PHACTR3: variants seen among roughly 807,000 people sequenced by gnomAD.
The protein encoded by PHACTR3 is protein phosphatase 1, regulatory subunit 123.
In PHACTR3, 16 loss-of-function variants were observed where a neutral mutation model predicts 66.8. The ratio of observed to expected loss-of-function variants is 0.24; its 90% CI spans 0.16 to 0.36. The LOEUF is 0.36. Among genes scored for constraint, PHACTR3 ranks in the 10% least tolerant of loss-of-function variants. The pLI is 1.00. For synonymous variants in PHACTR3, 323 were observed against 292.1 expected, an observed-to-expected ratio of 1.11 and a Z score of -1.08; for missense variants, 647 against 719.9, an observed-to-expected ratio of 0.90 and a Z score of 1.16.
chr20:59,775,688 C>A (rs1024194558), intron 7 of PHACTR3, among the ~76,000 whole-genome samples: 6 of 152,174 alleles, frequency 3.9e-5, no homozygotes, highest in African/African-American at 1.2e-4. Context: ...CCTGAGGGCA[C>A]CAACCTCTCT....
chr20:59,598,403 G>C (rs1029435433), intron 1 of PHACTR3, among the ~76,000 whole-genome samples: 1 of 152,182 alleles, frequency 6.6e-6, no homozygotes, highest in Non-Finnish European at 1.5e-5. Context: ...GAGGCTCAGC[G>C]GGGCCACACA....
intron 1 of PHACTR3, among the ~76,000 whole-genome samples, chr20:59,702,893 T>C (rs2037557087): frequency 6.6e-6 from 1 of 152,204 alleles, no homozygotes; most frequent in Non-Finnish European, 1.5e-5. Flanking sequence ...TGTGTTCTTG[T>C]AGCTTTTGCC....
At chr20:59,670,533 G>A (rs971553329) in intron 1 of PHACTR3, among the ~76,000 whole-genome samples, 12 of 147,676 alleles carry the variant, frequency 8.1e-5, no homozygotes, top group Non-Finnish European at 1.5e-4. Context: ...TCTCAATTAC[G>A]TGGAAGCCTC....
intron 10 of PHACTR3, among the ~76,000 whole-genome samples, chr20:59,840,740 C>G (rs896824827): frequency 1.3e-5 from 2 of 152,188 alleles, no homozygotes; most frequent in Non-Finnish European, 2.9e-5. Context: ...TTTACAGTGT[C>G]TAGGAAAAGC....
rs114561183 is a variant in PHACTR3, at chr20:59,626,195, G to A, written c.118+21063G>A. Among the ~76,000 whole-genome samples the A allele has an allele frequency of 4.5e-3, 682 of 152,294 alleles. 4 individuals are homozygous for A. Among genetic ancestry groups the A allele is most frequent in the African/African-American group, 0.016 (647 of 41,564 alleles). ...GGACACCTGTTTTAAGCCTGTCACC[G>A]TTTTTTGAGTATGCATATAGCTATA... On this transcript the variant is annotated intron_variant, in intron 1 of 12. Transcript: ENST00000371015.
intron 1 of PHACTR3, among the ~76,000 whole-genome samples, chr20:59,599,107 G>A (rs2033403478): frequency 6.6e-6 from 1 of 152,342 alleles, no homozygotes; most frequent in South Asian, 2.1e-4. Flanking sequence ...GGCAGCAGAG[G>A]GAGCATGAGC....
chr20:59,843,596 T>C (rs944456908), intron 11 of PHACTR3: 7 of 152,144 alleles, frequency 4.6e-5, no homozygotes, highest in African/African-American at 1.4e-4. Context: ...AGGACACTCT[T>C]CAATAAATGG....
rs556753425 is a variant in PHACTR3, at chr20:59,690,128, C to T, written c.119-52979C>T. On this transcript the variant is annotated intron_variant, in intron 1 of 12. Coordinates refer to ENST00000371015, the MANE Select transcript of PHACTR3 (RefSeq NM_080672.5). Reference sequence around the variant, plus strand: ...AAAACAAAACAAAACACCCAAATTCCTCACCAAGCCCCCTCCTGCACCTCT... The same window carrying T: ...AAAACAAAACAAAACACCCAAATTCTTCACCAAGCCCCCTCCTGCACCTCT... 1.4e-4 allele frequency among the ~76,000 whole-genome samples: 21 copies of T among 152,318 alleles called. No individual in the cohort carries two copies. The Middle Eastern group carries it at 0.01, about 74-fold the overall frequency.
At chr20:59,780,443 A>G (rs1326476820) in intron 7 of PHACTR3, among the ~76,000 whole-genome samples, 2 of 152,152 alleles carry the variant, frequency 1.3e-5, no homozygotes, top group Non-Finnish European at 2.9e-5. Context: ...GCAAGGCCCC[A>G]CTTTCTCATA....
intron 1 of PHACTR3, among the ~76,000 whole-genome samples, chr20:59,692,331 C>T (rs1043802387): frequency 1.3e-5 from 2 of 152,204 alleles, no homozygotes; most frequent in Admixed American, 1.3e-4. Context: ...TGGTTCAGCT[C>T]TGGAGGTGTC....
chr20:59,831,243 G>A (rs145280128), intron 8 of PHACTR3, among the ~76,000 whole-genome samples: 33 of 152,260 alleles, frequency 2.2e-4, no homozygotes, highest in East Asian at 7.7e-4. Flanking sequence ...TGTTGTGCTC[G>A]ATACCTTTAA....
chr20:59,811,208 G>T (rs1487489630), intron 8 of PHACTR3, among the ~76,000 whole-genome samples: 1 of 152,224 alleles, frequency 6.6e-6, no homozygotes, highest in East Asian at 1.9e-4. Flanking sequence ...GGGCCTGGGA[G>T]AAGCATTCTA....
chr20:59,591,763 C>T (rs377080136), intron 1 of PHACTR3, among the ~76,000 whole-genome samples: 17 of 152,136 alleles, frequency 1.1e-4, no homozygotes, highest in African/African-American at 3.6e-4. Flanking sequence ...AGAGTGTCAC[C>T]GCAGAAACCA....
chr20:59,597,254 C>T (rs982343675), intron 1 of PHACTR3, among the ~76,000 whole-genome samples: 2 of 152,240 alleles, frequency 1.3e-5, no homozygotes, highest in African/African-American at 4.8e-5. Context: ...GATTATAAAT[C>T]AATGCATGTG....
chr20:59,840,305 A>T, intron 9 of PHACTR3, 64 bp from the exon 10 acceptor site: 1 of 1,575,328 alleles, frequency 6.3e-7, no homozygotes, highest in Non-Finnish European at 8.6e-7. Flanking sequence ...TCCCTGCTGA[A>T]GAGAAGAACG....
At chr20:59,724,037 G>A (rs964520315) in intron 1 of PHACTR3, among the ~76,000 whole-genome samples, 24 of 152,110 alleles carry the variant, frequency 1.6e-4, no homozygotes, top group Non-Finnish European at 2.6e-4. Context: ...TATTGAGCCT[G>A]AACACCTTTC....
intron 8 of PHACTR3, among the ~76,000 whole-genome samples, chr20:59,813,246 A>T (rs1198789858): frequency 1.3e-5 from 2 of 152,188 alleles, no homozygotes; most frequent in Non-Finnish European, 2.9e-5. Context: ...CACACCTGAC[A>T]TGGGTCACTC....
chr20:59,842,982 A>G (rs1030275739), intron 11 of PHACTR3, among the ~76,000 whole-genome samples: 9 of 152,162 alleles, frequency 5.9e-5, no homozygotes, highest in African/African-American at 2.2e-4. Flanking sequence ...AGAGAAACCT[A>G]AAGACTCCAC....
intron 8 of PHACTR3, among the ~76,000 whole-genome samples, chr20:59,834,742 A>G: frequency 6.6e-6 from 1 of 152,000 alleles, no homozygotes; most frequent in Non-Finnish European, 1.5e-5. Context: ...CCCCTGCCCA[A>G]CCACTCACCC....
Sources: gnomAD v4.1 joint callset for allele counts (sites outside exome capture counted in the v4.1 genomes callset) on GRCh38, gnomAD v4.1.1 for gene constraint, MANE v1.5 for transcripts, NCBI Gene and HGNC (gene_info 2026-07-23, HGNC 2026-07-21) for gene names.